TJP2: variants seen among roughly 807,000 people sequenced by gnomAD.
TJP2 encodes Friedreich ataxia region gene X104 (tight junction protein ZO-2).
Under a neutral mutation model 133.1 loss-of-function variants are expected in TJP2, and 91 were observed. That is an observed-to-expected ratio of 0.68 (90% CI 0.58 to 0.81). TJP2 has a LOEUF of 0.81. Ranked by LOEUF, TJP2 falls within the 40% of genes least tolerant of loss-of-function variation. The pLI, the probability that TJP2 is intolerant of heterozygous loss-of-function variation, is 0.00. For synonymous variants in TJP2, 592 were observed against 583.4 expected (o/e 1.01, Z -0.21); for missense variants, 1,541 against 1,565.6 (o/e 0.98, Z 0.26).
chr9:69,142,368 G>A (rs1564376899), intron 1 of TJP2, among the ~76,000 whole-genome samples: 1 of 152,184 alleles, frequency 6.6e-6, no homozygotes, highest in Non-Finnish European at 1.5e-5. Context: ...TAACTCTTTG[G>A]TAATTCTTTT....
intron 19 of TJP2, 27 bp downstream of exon 19, chr9:69,248,251 A>T: frequency 6.4e-7 from 1 of 1,562,460 alleles, no homozygotes; most frequent in Non-Finnish European, 8.7e-7. Flanking sequence ...CACGGGCAGG[A>T]ACAGGAGAGC....
chr9:69,229,223 C>G lies in TJP2; in HGVS notation c.1493C>G (p.Pro498Arg). 6.2e-7 allele frequency: 1 copy of G among 1,614,098 alleles called. No individual in the cohort carries two copies. The highest frequency in any genetic ancestry group is 8.5e-7 in the Non-Finnish European group (1 of 1,179,986). ...PKAAPRTFLR[P>R]SPEDEAIYGP... ...GCAGCCCCGAGAACTTTTCTTCGTC[C>G]TAGTCCTGAAGATGAAGCAATATAT... The change falls in exon 10 of 23, where the codon CCT (proline) becomes CGT (arginine). Residue 498 changes from proline to arginine, a missense_variant. Transcript: ENST00000377245.
chr9:69,234,026 G>T (rs1466887237), intron 11 of TJP2, among the ~76,000 whole-genome samples: 1 of 152,140 alleles, frequency 6.6e-6, no homozygotes, highest in African/African-American at 2.4e-5. Context: ...GGGCCAGCAT[G>T]CTCAGTTGTC....
In TJP2 at chr9:69,239,708, G is replaced by A. The variant is rs113153370; in HGVS notation, c.2356-229G>A. Among the ~76,000 whole-genome samples, 2,334 of 151,986 alleles carry A rather than the reference G, an allele frequency of 0.015. 24 individuals are homozygous for A. The highest frequency in any genetic ancestry group is 0.031 in the Middle Eastern group (9 of 294). On this transcript the variant is annotated intron_variant, in intron 16 of 22. Coordinates refer to ENST00000377245, the MANE Select transcript of TJP2 (RefSeq NM_004817.4). ...GGGCACCTGTAATCCCAGCTACTCA[G>A]GAGGCTGAGACAGGATAATTGCTTG...
At chr9:69,174,959 G>A (rs188950325) in intron 1 of TJP2, among the ~76,000 whole-genome samples, 22 of 149,378 alleles carry the variant, frequency 1.5e-4, no homozygotes, top group African/African-American at 5.4e-4. Context: ...AGGTTTGGAA[G>A]GACCCACAAA....
At position 69,174,602 on chromosome 9, in the gene TJP2, C is replaced by T. The variant is rs193088063; in HGVS notation, c.60+170C>T. On this transcript the variant is annotated intron_variant, in intron 1 of 22. Transcript: ENST00000377245. ...GCAGGGGAGGGGTAGGTTTCACCGT[C>T]CGGGCTGATGACTCGTGGCCTCCGG... Among the ~76,000 whole-genome samples the T allele has an allele frequency of 3.1e-3, 475 of 152,326 alleles. 2 individuals carry two copies. Among genetic ancestry groups the T allele is most frequent in the Admixed American group, 6.1e-3 (93 of 15,308 alleles).
intron 1 of TJP2, among the ~76,000 whole-genome samples, chr9:69,180,446 A>G (rs1027590964): frequency 1.3e-5 from 2 of 152,166 alleles, no homozygotes; most frequent in Non-Finnish European, 1.5e-5. Flanking sequence ...GGGGGAAATA[A>G]TGTTCCACTT....
chr9:69,229,624 G>A lies in TJP2; in HGVS notation c.1520+374G>A, dbSNP rs537251635. On this transcript the variant is annotated intron_variant, in intron 10 of 22. Coordinates refer to ENST00000377245, the MANE Select transcript of TJP2 (RefSeq NM_004817.4). ...TGATGGTCCCAGTGTCAGTCCGTGT[G>A]GGGGAGGGAGGAGGAGTGCTGCTGC... 1.2e-4 allele frequency among the ~76,000 whole-genome samples: 19 copies of A among 152,318 alleles called. No individual in the cohort carries two copies. The South Asian group carries it at 3.9e-3, about 32-fold the overall frequency.
At chr9:69,142,873 C>T (rs1823069550) in intron 1 of TJP2, among the ~76,000 whole-genome samples, 1 of 152,028 alleles carries the variant, frequency 6.6e-6, no homozygotes, top group African/African-American at 2.4e-5. Context: ...GTTAATAGTT[C>T]CAGTTATAAA....
chr9:69,176,707 T>C (rs1825119660), intron 1 of TJP2, among the ~76,000 whole-genome samples: 1 of 152,224 alleles, frequency 6.6e-6, no homozygotes, highest in Non-Finnish European at 1.5e-5. Context: ...ATCTAGTTCT[T>C]TGTACACTGA....
chr9:69,216,398 A>G lies in TJP2; in HGVS notation c.174A>G (p.Glu58=). 1 of 1,614,188 alleles carries G rather than the reference A, an allele frequency of 6.2e-7. No individual in the cohort carries two copies. The highest frequency in any genetic ancestry group is 8.5e-7 in the Non-Finnish European group (1 of 1,180,032). The change falls in exon 3 of 23, where the codon GAA becomes GAG. Residue 58 remains glutamate (E), a synonymous_variant. Transcript: ENST00000377245. ...VSGGRDNPHF[E]NGETSIVISD... is the part of the protein sequence containing the mutation. ...GAGGCAGAGACAACCCCCACTTTGA[A>G]AATGGAGAAACGTCAATTGTCATTT...
At chr9:69,137,247 C>CTCTT (rs1196199826) in intron 1 of TJP2, among the ~76,000 whole-genome samples, 22 of 64,426 alleles carry the variant, frequency 3.4e-4, no homozygotes, top group Non-Finnish European at 5.7e-4. Context: ...CTTTCTCTCT[C>CTCTT]TCTTTCTTTC....
At chr9:69,174,230 G>C (rs958306466), upstream of TJP2, 14 of 1,487,370 alleles carry the variant, frequency 9.4e-6, no homozygotes, top group Non-Finnish European at 1.3e-5. Context: ...GAGGGACAAA[G>C]GGGTGGGTCC....
At position 69,168,134 on chromosome 9, in the gene TJP2, A is replaced by G. The variant is rs990883701; in HGVS notation, c.-10+16363A>G. On this transcript the variant is annotated intron_variant, in intron 2 of 5. Coordinates refer to the TJP2 transcript ENST00000423935. ...ACTGAATGTTTCTAAAGGAAAAGCA[A>G]GAATCTTCAGTTGCCCAAAAGATGG... Among the ~76,000 whole-genome samples, 4 of 152,228 alleles carry G rather than the reference A, an allele frequency of 2.6e-5. No homozygotes were observed. In the East Asian group the frequency reaches 7.7e-4, roughly 29 times the overall value.
At chr9:69,203,606 G>GTTTTTTTTT (rs1330482251) in intron 1 of TJP2, among the ~76,000 whole-genome samples, 9 of 57,574 alleles carry the variant, frequency 1.6e-4, no homozygotes, top group East Asian at 6.8e-4. Flanking sequence ...GCCCAGCCTG[G>GTTTTTTTTT]ATTTTTTTTT....
At chr9:69,230,761 G>A (rs919458601) in intron 11 of TJP2, among the ~76,000 whole-genome samples, 1 of 152,158 alleles carries the variant, frequency 6.6e-6, no homozygotes, top group Non-Finnish European at 1.5e-5. Flanking sequence ...CAGGGACTGT[G>A]GGAAGATTAG....
chr9:69,194,339 A>G (rs1260916298), intron 1 of TJP2, among the ~76,000 whole-genome samples: 1 of 152,204 alleles, frequency 6.6e-6, no homozygotes, highest in Non-Finnish European at 1.5e-5. Context: ...ATAGGTCATT[A>G]CACATGAAGA....
intron 7 of TJP2, among the ~76,000 whole-genome samples, chr9:69,227,355 GATAGAATT>G (rs1305366827): frequency 6.6e-6 from 1 of 152,156 alleles, no homozygotes; most frequent in African/African-American, 2.4e-5. Context: ...CAGGTAACTG[GATAGAATT>G]GCAGAATCTC....
At chr9:69,223,061 T>C (rs1829014532) in intron 5 of TJP2, among the ~76,000 whole-genome samples, 1 of 75,942 alleles carries the variant, frequency 1.3e-5, no homozygotes, top group Non-Finnish European at 2.4e-5. Context: ...AGAGCGAGAC[T>C]CTGTCTTGAA....
Sources: allele counts gnomAD v4.1 joint callset (sites outside exome capture counted in the v4.1 genomes callset), GRCh38; gene constraint gnomAD v4.1.1; transcripts MANE v1.5; gene names NCBI Gene and HGNC (gene_info 2026-07-23, HGNC 2026-07-21).